MGAT4C: variants seen among roughly 807,000 people sequenced by gnomAD.
The protein encoded by MGAT4C is alpha-1,3-mannosyl-glycoprotein 4-beta-N-acetylglucosaminyltransferase C.
MGAT4C carries 19 observed loss-of-function variants against 40.1 expected under a neutral mutation model. That is an observed-to-expected ratio of 0.47 (90% CI 0.33 to 0.70). MGAT4C has a LOEUF of 0.70. Among genes scored for constraint, MGAT4C ranks in the 30% least tolerant of loss-of-function variants. The pLI, the probability that MGAT4C is intolerant of heterozygous loss-of-function variation, is 0.02. For missense variants in MGAT4C, 491 were observed against 563.2 expected (o/e 0.87, Z 1.30); for synonymous variants, 181 against 187.1 (o/e 0.97, Z 0.27).
chr12:86,422,042 TG>T (rs1956838102), intron 3 of MGAT4C, among the ~76,000 whole-genome samples: 1 of 152,156 alleles, frequency 6.6e-6, no homozygotes, highest in South Asian at 2.1e-4. Flanking sequence ...ATGTTTTCCT[TG>T]AATTGAGGCT....
chr12:86,588,161 A>T (rs7485594), intron 2 of MGAT4C, among the ~76,000 whole-genome samples: 2 of 151,138 alleles, frequency 1.3e-5, no homozygotes, highest in African/African-American at 4.9e-5. Context: ...AGCATGAAGC[A>T]TTGTTGAATT....
intron 4 of MGAT4C, among the ~76,000 whole-genome samples, chr12:86,267,642 G>A (rs767898): frequency 2.0e-5 from 3 of 151,926 alleles, no homozygotes; most frequent in Non-Finnish European, 2.9e-5. Context: ...ATAAAGGGGG[G>A]AATAAATAAA....
At chr12:86,514,103 CACACACA>C (rs1450032317) in intron 2 of MGAT4C, among the ~76,000 whole-genome samples, 24 of 149,676 alleles carry the variant, frequency 1.6e-4, no homozygotes, top group Admixed American at 2.7e-4. Flanking sequence ...CACACACACA[CACACACA>C]ACCCCGGCTT....
chr12:86,323,257 A>G (rs958871457), intron 4 of MGAT4C, among the ~76,000 whole-genome samples: 1 of 151,730 alleles, frequency 6.6e-6, no homozygotes, highest in Non-Finnish European at 1.5e-5. Flanking sequence ...CAAGTTTTCT[A>G]TAAAAATTAA....
At chr12:86,295,357 G>A (rs1184639564) in intron 4 of MGAT4C, among the ~76,000 whole-genome samples, 1 of 152,148 alleles carries the variant, frequency 6.6e-6, no homozygotes, top group African/African-American at 2.4e-5. Flanking sequence ...CTTCAAGAAA[G>A]AAGCCGCAGA....
intron 1 of MGAT4C, among the ~76,000 whole-genome samples, chr12:86,771,587 C>T (rs531150648): frequency 6.6e-6 from 1 of 151,976 alleles, no homozygotes; most frequent in South Asian, 2.1e-4. Flanking sequence ...GTGGTTGATG[C>T]CTGTAATCCC....
intron 1 of MGAT4C, among the ~76,000 whole-genome samples, chr12:86,189,664 A>G (rs1333982751): frequency 6.6e-6 from 1 of 152,050 alleles, no homozygotes; most frequent in African/African-American, 2.4e-5. Context: ...TTACCTTTGA[A>G]AACATCTTCA....
intron 1 of MGAT4C, among the ~76,000 whole-genome samples, chr12:86,122,957 A>G (rs573519093): frequency 1.3e-5 from 2 of 152,280 alleles, no homozygotes; most frequent in East Asian, 3.9e-4. Flanking sequence ...CGGCATTAAA[A>G]TATATATTGG....
intron 1 of MGAT4C, among the ~76,000 whole-genome samples, chr12:86,254,242 G>T (rs1952423623): frequency 1.3e-5 from 2 of 151,822 alleles, no homozygotes; most frequent in Admixed American, 1.3e-4. Flanking sequence ...AACTTTTTGT[G>T]AAATGAATGA....
rs1480483838 is a variant in MGAT4C, at chr12:86,503,724, AT to A, written c.-228-68460del. 1.7e-4 allele frequency among the ~76,000 whole-genome samples: 14 copies of A among 81,316 alleles called. 1 individual carries two copies. The East Asian group carries it at 2.4e-3, about 14-fold the overall frequency. The allele number at this position is 81,316 out of a possible 152,430, so 53.3% of individuals were successfully genotyped here. ...ATGAGTTCTGCTCATATATATATATATGAGTTCTGCTCATATATATATATAT... is the reference window on the plus strand; with the variant it reads ...ATGAGTTCTGCTCATATATATATATAGAGTTCTGCTCATATATATATATAT... On this transcript the variant is annotated intron_variant, in intron 2 of 7. Transcript: ENST00000548651.
In MGAT4C at chr12:86,286,121, T is replaced by C. The variant is rs557704064; in HGVS notation, c.-57+47944A>G. Among the ~76,000 whole-genome samples, 84 of 152,260 alleles carry C rather than the reference T, an allele frequency of 5.5e-4. 1 individual carries two copies. The Middle Eastern group carries it at 0.031, about 55-fold the overall frequency. ...AATTGTCTTAAAAGGCAATTTTTAA[T>C]TCTTGTATCCTTTTCTTGTCCTTTA... On this transcript the variant is annotated intron_variant, in intron 4 of 7. Transcript: ENST00000548651.
At chr12:86,720,425 G>A (rs963979303) in intron 2 of MGAT4C, among the ~76,000 whole-genome samples, 3 of 152,312 alleles carry the variant, frequency 2.0e-5, no homozygotes, top group African/African-American at 7.2e-5. Flanking sequence ...ATGGGAAGGA[G>A]AGTCAAAGAG....
chr12:86,343,293 C>G (rs1954941473), intron 3 of MGAT4C, among the ~76,000 whole-genome samples: 1 of 152,060 alleles, frequency 6.6e-6, no homozygotes, highest in Non-Finnish European at 1.5e-5. Flanking sequence ...AAACACCTTT[C>G]AAAAAGGAAA....
At chr12:86,509,045 G>A (rs1958524058) in intron 2 of MGAT4C, among the ~76,000 whole-genome samples, 1 of 151,976 alleles carries the variant, frequency 6.6e-6, no homozygotes, top group Non-Finnish European at 1.5e-5. Flanking sequence ...CTTTTGCTGT[G>A]CAGAAGCTCT....
At position 85,956,782 on chromosome 12, in the gene MGAT4C, A is replaced by G. The variant is rs1218457065; in HGVS notation, c.*22507T>C. The G allele has an allele frequency of 6.6e-6, 1 of 152,222 alleles. No homozygotes were observed. The highest frequency in any genetic ancestry group is 1.5e-5 in the Non-Finnish European group (1 of 68,032). 9.4% of individuals were successfully genotyped at this position (152,222 alleles called of 1,614,324 possible). A position where few individuals can be genotyped will look rare whatever the true frequency, so the allele number is the denominator to read the frequency against. ...AAACAATATCAAAGACTAGAGAAAC[A>G]TAATTTATGACATGAGATTGAAGGT... On this transcript the variant is annotated 3_prime_UTR_variant, in exon 5 of 5. Transcript: ENST00000611864.
chr12:86,358,791 T>C (rs997424686), intron 3 of MGAT4C, among the ~76,000 whole-genome samples: 3 of 152,194 alleles, frequency 2.0e-5, no homozygotes, highest in Non-Finnish European at 2.9e-5. Flanking sequence ...CCTAAATGTA[T>C]ATGCACCCAA....
At chr12:86,288,732 C>G (rs549825235) in intron 4 of MGAT4C, among the ~76,000 whole-genome samples, 1 of 152,014 alleles carries the variant, frequency 6.6e-6, no homozygotes, top group East Asian at 1.9e-4. Context: ...AGTGTCTGTT[C>G]ATGTTCTTTG....
At chr12:86,501,806 C>T (rs933257934) in intron 2 of MGAT4C, among the ~76,000 whole-genome samples, 1 of 151,994 alleles carries the variant, frequency 6.6e-6, no homozygotes. Flanking sequence ...AATGAACATA[C>T]ATGTGCATGT....
intron 1 of MGAT4C, among the ~76,000 whole-genome samples, chr12:86,774,485 G>A (rs927595001): frequency 2.7e-5 from 4 of 149,344 alleles, no homozygotes; most frequent in East Asian, 2.0e-4. Flanking sequence ...CAGTTCATAC[G>A]GGTATATTCG....
Sources: allele counts gnomAD v4.1 joint callset (sites outside exome capture counted in the v4.1 genomes callset), GRCh38; gene constraint gnomAD v4.1.1; transcripts MANE v1.5; gene names NCBI Gene and HGNC (gene_info 2026-07-23, HGNC 2026-07-21).